ATP6V0D2: variants seen among roughly 807,000 people sequenced by gnomAD.
The protein encoded by ATP6V0D2 is V-type proton ATPase subunit d 2.
ATP6V0D2 carries 40 observed loss-of-function variants against 40.0 expected under a neutral mutation model. The ratio of observed to expected loss-of-function variants is 1.00; its 90% CI spans 0.78 to 1.30. The LOEUF is 1.30. Among genes scored for constraint, ATP6V0D2 ranks in the 50% most tolerant of loss-of-function variants. ATP6V0D2 has a pLI of 0.00. For synonymous variants in ATP6V0D2, 179 were observed against 156.3 expected (o/e 1.15, Z -1.08); for missense variants, 470 against 423.1 (o/e 1.11, Z -0.97).
intron 5 of ATP6V0D2, among the ~76,000 whole-genome samples, chr8:86,148,526 A>C (rs539046101): frequency 6.6e-6 from 1 of 152,316 alleles, no homozygotes; most frequent in Non-Finnish European, 1.5e-5. Context: ...TTCAGCTTTC[A>C]CGTGCATATA....
chr8:86,151,342 C>T, intron 6 of ATP6V0D2, 124 bp from the exon 7 acceptor site: 2 of 697,362 alleles, frequency 2.9e-6, no homozygotes, highest in South Asian at 2.4e-5. Flanking sequence ...TATAAAAAAA[C>T]ATTCAGTCCT....
chr8:86,145,255 GAGAAAGAAAGAA>G (rs1179936581), intron 5 of ATP6V0D2, among the ~76,000 whole-genome samples: 4 of 51,840 alleles, frequency 7.7e-5, no homozygotes, highest in South Asian at 5.5e-4. Context: ...GAGAGAGAGA[GAGAAAGAAAGAA>G]AGAAAGAAAG....
chr8:86,141,349 T>C (rs1818968799), intron 3 of ATP6V0D2, 101 bp from the exon 4 acceptor site: 1 of 749,094 alleles, frequency 1.3e-6, no homozygotes, highest in East Asian at 2.5e-5. Flanking sequence ...TGCAGTGTTC[T>C]TGTCAGGAGT....
At chr8:86,141,091 G>C (rs1327990702) in intron 3 of ATP6V0D2, among the ~76,000 whole-genome samples, 5 of 152,082 alleles carry the variant, frequency 3.3e-5, no homozygotes, top group Non-Finnish European at 4.4e-5. Flanking sequence ...TGACAGGAGG[G>C]GGAGCTCAGG....
Position 86,150,252 on chromosome 8 carries a change from CT to C in ATP6V0D2, c.783del (p.Phe261LeufsTer4), listed in dbSNP as rs1819125929. 1 of 1,613,306 alleles carries C rather than the reference CT, an allele frequency of 6.2e-7. No individual in the cohort carries two copies. The highest frequency in any genetic ancestry group is 8.5e-7 in the Non-Finnish European group (1 of 1,179,880). ...TGCGGCTGTTGGCTCAAGCAGAAGACTTTGACCAGATGAAGAACGTAGCGGA... is the reference window on the plus strand; with the variant it reads ...TGCGGCTGTTGGCTCAAGCAGAAGACTTGACCAGATGAAGAACGTAGCGGA... Reference protein sequence around the residue: ...GLRLLAQAEDFDQMKNVADHY... With the variant: ...GLRLLAQAEDXDQMKNVADHY... On this transcript the variant is annotated frameshift_variant, in exon 6 of 8. Coordinates refer to ENST00000285393, the MANE Select transcript of ATP6V0D2 (RefSeq NM_152565.1). LOFTEE classifies it high-confidence loss of function.
chr8:86,124,934 TTTTA>T (rs770045199), intron 2 of ATP6V0D2, among the ~76,000 whole-genome samples: 1 of 152,110 alleles, frequency 6.6e-6, no homozygotes, highest in Non-Finnish European at 1.5e-5. Flanking sequence ...ATGTAGCTAA[TTTTA>T]TTTGTGTATT....
At chr8:86,151,855 C>T (rs1428332008) in intron 7 of ATP6V0D2, among the ~76,000 whole-genome samples, 1 of 148,950 alleles carries the variant, frequency 6.7e-6, no homozygotes, top group Non-Finnish European at 1.5e-5. Flanking sequence ...TGCTGAAGAA[C>T]ATTATTACAA....
intron 1 of ATP6V0D2, among the ~76,000 whole-genome samples, chr8:86,104,769 C>T (rs1159569671): frequency 6.6e-6 from 1 of 151,700 alleles, no homozygotes; most frequent in Non-Finnish European, 1.5e-5. Context: ...CTTCCTTAGA[C>T]ATTATTTGTA....
chr8:86,121,604 G>GGAGGAGGAGGAT lies in ATP6V0D2; in HGVS notation c.302+7735_302+7736insTGAGGAGGAGGA, dbSNP rs1554588159. 4.1e-4 allele frequency among the ~76,000 whole-genome samples: 58 copies of GGAGGAGGAGGAT among 141,196 alleles called. 3 individuals carry two copies. Among genetic ancestry groups the GGAGGAGGAGGAT allele is most frequent in the South Asian group, 1.6e-3 (7 of 4,274 alleles). The allele number at this position is 141,196 out of a possible 152,430, so 92.6% of individuals were successfully genotyped here. On this transcript the variant is annotated intron_variant, in intron 2 of 7. Transcript: ENST00000285393. Reference sequence around the variant, plus strand: ...AGGAGGAGGAGGAGGAGGAGGAGGAGGAGGAGGAGGAGGAGAAGGAGAAAG... The same window carrying GGAGGAGGAGGAT: ...AGGAGGAGGAGGAGGAGGAGGAGGAGGAGGAGGAGGATGAGGAGGAGGAGGAGAAGGAGAAAG...
intron 2 of ATP6V0D2, among the ~76,000 whole-genome samples, chr8:86,121,131 C>G (rs1818663400): frequency 6.6e-6 from 1 of 152,184 alleles, no homozygotes; most frequent in South Asian, 2.1e-4. Flanking sequence ...CATTATCTCC[C>G]TGTCAGAGAC....
chr8:86,113,398 C>T (rs572235836), intron 1 of ATP6V0D2, among the ~76,000 whole-genome samples: 20 of 152,248 alleles, frequency 1.3e-4, no homozygotes, highest in Non-Finnish European at 2.2e-4. Context: ...AGGAAAATTG[C>T]GCGAACCCAA....
chr8:86,144,957 C>G (rs1819026741), intron 5 of ATP6V0D2, among the ~76,000 whole-genome samples: 1 of 150,518 alleles, frequency 6.6e-6, no homozygotes, highest in South Asian at 2.1e-4. Flanking sequence ...GAGTTCGAGA[C>G]CAGCCTGGCC....
At chr8:86,126,236 C>CTATATATATATATATATA (rs60590702) in intron 2 of ATP6V0D2, among the ~76,000 whole-genome samples, 2,959 of 76,508 alleles carry the variant, frequency 0.039, 261 homozygotes, top group East Asian at 0.053. Flanking sequence ...CGTGCTCAGC[C>CTATATATATATATATATA]TATATATATA....
chr8:86,115,358 A>ATTTTTT (rs564384965), intron 2 of ATP6V0D2, among the ~76,000 whole-genome samples: 1,913 of 73,286 alleles, frequency 0.026, 332 homozygotes, highest in African/African-American at 0.092. Context: ...CGTATCATCC[A>ATTTTTT]TTTTTTTTTT....
chr8:86,100,003 T>C (rs1797387109), intron 1 of ATP6V0D2, among the ~76,000 whole-genome samples: 1 of 151,818 alleles, frequency 6.6e-6, no homozygotes, highest in Admixed American at 6.5e-5. Context: ...CAGTATCTAT[T>C]GATTTGAGAG....
chr8:86,151,755 C>CTT (rs564476016), intron 7 of ATP6V0D2, among the ~76,000 whole-genome samples: 73 of 85,526 alleles, frequency 8.5e-4, no homozygotes, highest in African/African-American at 2.0e-3. Flanking sequence ...GCTTTTCTTT[C>CTT]TTTTTTTTTT....
chr8:86,137,297 C>T (rs900977211), intron 2 of ATP6V0D2, among the ~76,000 whole-genome samples: 4 of 152,142 alleles, frequency 2.6e-5, no homozygotes, highest in Non-Finnish European at 4.4e-5. Context: ...TTTGACTCTC[C>T]AATCACTTCT....
chr8:86,141,586 A>T (rs1818974365), intron 4 of ATP6V0D2, 57 bp downstream of exon 4: 1 of 1,280,164 alleles, frequency 7.8e-7, no homozygotes, highest in Non-Finnish European at 1.1e-6. Flanking sequence ...TTGTGACTAG[A>T]GTTCTCTATT....
intron 1 of ATP6V0D2, among the ~76,000 whole-genome samples, chr8:86,108,662 T>G (rs1818498087): frequency 6.6e-6 from 1 of 152,114 alleles, no homozygotes; most frequent in African/African-American, 2.4e-5. Flanking sequence ...CTCAAACTCC[T>G]GGGCTCAGCA....
Sources: allele counts gnomAD v4.1 joint callset (sites outside exome capture counted in the v4.1 genomes callset), GRCh38; gene constraint gnomAD v4.1.1; transcripts MANE v1.5; gene names NCBI Gene and HGNC (gene_info 2026-07-23, HGNC 2026-07-21).